ZNF292: variants seen among roughly 807,000 people sequenced by gnomAD.
The protein encoded by ZNF292 is zinc finger protein 292.
A neutral mutation model predicts 217.9 loss-of-function variants in ZNF292; 26 were observed. The ratio of observed to expected loss-of-function variants is 0.12; its 90% CI spans 0.09 to 0.17. The LOEUF is 0.17. Among genes scored for constraint, ZNF292 ranks in the 10% least tolerant of loss-of-function variants. The pLI is 1.00. For synonymous variants in ZNF292, 1,257 were observed against 1,124.1 expected (o/e 1.12, Z -2.37); for missense variants, 2,904 against 3,175.2 (o/e 0.91, Z 2.05).
At chr6:87,226,580 T>C (rs13201289) in intron 4 of ZNF292, among the ~76,000 whole-genome samples, 55,897 of 148,772 alleles carry the variant, frequency 0.38, 10,962 homozygotes, top group Admixed American at 0.52. Flanking sequence ...TTAAACGCAC[T>C]CTTTGGTTTC....
Position 87,215,964 on chromosome 6 carries a change from T to C in ZNF292, c.230T>C (p.Val77Ala). Reference protein sequence around the residue: ...TSEDPLPLLEVYTVAIQSYVK... With the variant: ...TSEDPLPLLEAYTVAIQSYVK... The stretch of plus-strand genomic sequence containing the variant: ...GAAGATCCTTTACCTTTATTGGAGG[T>C]ATACACAGTGGCTATCCAAAGTTAT... The change falls in exon 2 of 8, where the codon GTA (valine) becomes GCA (alanine). Residue 77 changes from valine (V) to alanine (A), a missense_variant. Coordinates refer to ENST00000369577, the MANE Select transcript of ZNF292 (RefSeq NM_015021.3). 6.2e-7 allele frequency: 1 copy of C among 1,600,736 alleles called. No homozygotes were observed. The highest frequency in any genetic ancestry group is 8.5e-7 in the Non-Finnish European group (1 of 1,176,066).
rs774630562 is a variant in ZNF292 at position 87,258,802 on chromosome 6, A to C, written c.5173A>C (p.Asn1725His). The change falls in exon 8 of 8, where the codon AAT (asparagine) becomes CAT (histidine). Residue 1725 changes from asparagine (N) to histidine (H), a missense_variant. Coordinates refer to ENST00000369577, the MANE Select transcript of ZNF292 (RefSeq NM_015021.3). ...AGCCCCTTTAACATTAAAAACTGAA[A>C]ATGGTGATTCCCAAATGATGGCTTT... ...VLAPLTLKTE[N>H]GDSQMMALNS... is the part of the protein sequence containing the mutation. The C allele has an allele frequency of 1.9e-6, 3 of 1,613,152 alleles. No individual in the cohort carries two copies. Among genetic ancestry groups the C allele is most frequent in the Non-Finnish European group, 2.5e-6 (3 of 1,179,604 alleles).
Position 87,215,294 on chromosome 6 carries a change from TA to T in ZNF292, c.169-602del, listed in dbSNP as rs146379041. On this transcript the variant is annotated intron_variant, in intron 1 of 7. Transcript: ENST00000369577. The stretch of plus-strand genomic sequence containing the variant: ...TTGAAAGATGAGAAATATTTTTAAT[TA>T]AAAAAACACTATTACAAAAATTACT... Among the ~76,000 whole-genome samples the T allele has an allele frequency of 3.7e-3, 569 of 152,204 alleles. 4 individuals are homozygous for T. The highest frequency in any genetic ancestry group is 0.013 in the African/African-American group (527 of 41,566).
chr6:87,265,911 A>T lies in ZNF292; in HGVS notation c.*4110A>T, dbSNP rs1775787707. 6.6e-6 allele frequency among the ~76,000 whole-genome samples: 1 copy of T among 152,200 alleles called. No individual in the cohort carries two copies. The highest frequency in any genetic ancestry group is 1.5e-5 in the Non-Finnish European group (1 of 68,034). Reference sequence around the variant, plus strand: ...TTGAATTTCAAGTAATTGTGATTAAACGTTGATTAAAATCCAGTCATACTT... The same window carrying T: ...TTGAATTTCAAGTAATTGTGATTAATCGTTGATTAAAATCCAGTCATACTT... On this transcript the variant is annotated 3_prime_UTR_variant, in exon 8 of 8. Coordinates refer to ENST00000369577, the MANE Select transcript of ZNF292 (RefSeq NM_015021.3).
At chr6:87,207,845 T>C (rs906183680) in intron 1 of ZNF292, among the ~76,000 whole-genome samples, 15 of 152,192 alleles carry the variant, frequency 9.9e-5, no homozygotes, top group African/African-American at 3.1e-4. Flanking sequence ...GCTATAATTA[T>C]TTTCCAGGCC....
chr6:87,156,096 TTCC>T (rs1388663341), intron 1 of ZNF292, among the ~76,000 whole-genome samples: 1 of 152,154 alleles, frequency 6.6e-6, no homozygotes, highest in Admixed American at 6.5e-5. Context: ...CCAGGTTCTC[TTCC>T]TCCTCCTCCT....
At chr6:87,189,291 A>T (rs1190062461) in intron 1 of ZNF292, among the ~76,000 whole-genome samples, 3 of 152,120 alleles carry the variant, frequency 2.0e-5, no homozygotes, top group African/African-American at 7.2e-5. Context: ...TTGTAGAAGC[A>T]TGGGGAAGAT....
chr6:87,203,185 G>T (rs1772143682), intron 1 of ZNF292, among the ~76,000 whole-genome samples: 1 of 148,344 alleles, frequency 6.7e-6, no homozygotes, highest in South Asian at 2.1e-4. Context: ...GTGTTGGCCA[G>T]GCTGGAGTGC....
intron 1 of ZNF292, among the ~76,000 whole-genome samples, chr6:87,206,639 C>A (rs1772262703): frequency 6.6e-6 from 1 of 152,128 alleles, no homozygotes; most frequent in South Asian, 2.1e-4. Context: ...ATTTAAATTT[C>A]TCCATTTGTC....
chr6:87,200,330 T>C (rs2127788698), intron 1 of ZNF292, among the ~76,000 whole-genome samples: 1 of 152,356 alleles, frequency 6.6e-6, no homozygotes, highest in Non-Finnish European at 1.5e-5. Context: ...AGAAATACTG[T>C]GGAGACTAAG....
At chr6:87,222,708 A>G (rs1773146058) in intron 4 of ZNF292, 1 of 420,784 alleles carries the variant, frequency 2.4e-6, no homozygotes, top group Non-Finnish European at 4.8e-6. Flanking sequence ...CTTTGTTATT[A>G]ATTAATCCAT....
intron 1 of ZNF292, among the ~76,000 whole-genome samples, chr6:87,205,401 G>T (rs971645937): frequency 6.6e-6 from 1 of 151,954 alleles, no homozygotes; most frequent in Non-Finnish European, 1.5e-5. Flanking sequence ...TATAAAAATT[G>T]TATGATAATT....
intron 1 of ZNF292, among the ~76,000 whole-genome samples, chr6:87,201,373 C>T (rs1413900861): frequency 1.3e-5 from 2 of 152,076 alleles, no homozygotes; most frequent in African/African-American, 4.8e-5. Flanking sequence ...AAGATGTTCT[C>T]CTATGTTTTC....
chr6:87,258,940 C>T lies in ZNF292; in HGVS notation c.5311C>T (p.Leu1771Phe). 1.2e-6 allele frequency: 2 copies of T among 1,612,106 alleles called. No individual in the cohort carries two copies. The highest frequency in any genetic ancestry group is 1.1e-5 in the South Asian group (1 of 90,844). The change falls in exon 8 of 8, where the codon CTT (leucine) becomes TTT (phenylalanine). Residue 1771 changes from leucine to phenylalanine, a missense_variant. By Grantham distance (22) the Leu-to-Phe change is conservative. Coordinates refer to ENST00000369577, the MANE Select transcript of ZNF292 (RefSeq NM_015021.3). Reference sequence around the variant, plus strand: ...TAAAACTGCTATGAATTCTCAAATACTTGAGGTAAAAAGTGGATCTCAGGG... The same window carrying T: ...TAAAACTGCTATGAATTCTCAAATATTTGAGGTAAAAAGTGGATCTCAGGG... ...IIKTAMNSQI[L>F]EVKSGSQGAG... is the part of the protein sequence containing the mutation.
intron 4 of ZNF292, among the ~76,000 whole-genome samples, chr6:87,219,209 A>G (rs1330783093): frequency 1.3e-5 from 2 of 152,100 alleles, no homozygotes; most frequent in African/African-American, 2.4e-5. Context: ...CTGGTATCCT[A>G]TTGAAAGTAG....
intron 1 of ZNF292, among the ~76,000 whole-genome samples, chr6:87,205,104 C>T (rs1582416818): frequency 6.6e-6 from 1 of 152,090 alleles, no homozygotes; most frequent in Non-Finnish European, 1.5e-5. Flanking sequence ...CATGATATCT[C>T]TCTCTGTCTT....
Position 87,259,283 on chromosome 6 carries a change from C to A in ZNF292, c.5654C>A (p.Pro1885Gln), listed in dbSNP as rs754985203. The stretch of plus-strand genomic sequence containing the variant: ...ACTGCAGATATCACAGTTATTCAGC[C>A]AGTTTCTGAAATGATAAACATTCAA... ...KSTADITVIQ[P>Q]VSEMINIQFN... Residue 1885 changes from proline to glutamine, a missense_variant, in exon 8 of 8, where the codon CCA becomes CAA. Pro to Gln is a moderately conservative substitution (Grantham distance 76). Transcript: ENST00000369577. 4.1e-5 allele frequency: 66 copies of A among 1,613,476 alleles called. No homozygotes were observed. The Admixed American group carries it at 8.2e-4, about 20-fold the overall frequency.
At chr6:87,208,379 T>C (rs1231771189) in intron 1 of ZNF292, among the ~76,000 whole-genome samples, 1 of 152,136 alleles carries the variant, frequency 6.6e-6, no homozygotes, top group Non-Finnish European at 1.5e-5. Flanking sequence ...CTGGAACTCC[T>C]GTTATTTATT....
chr6:87,233,700 T>C, intron 5 of ZNF292, 173 bp downstream of exon 5: 1 of 943,260 alleles, frequency 1.1e-6, no homozygotes, highest in Non-Finnish European at 1.3e-6. Flanking sequence ...TTTAGAATTA[T>C]ATGTAAACTG....
Sources: gnomAD v4.1 joint callset for allele counts (sites outside exome capture counted in the v4.1 genomes callset) on GRCh38, gnomAD v4.1.1 for gene constraint, MANE v1.5 for transcripts, NCBI Gene and HGNC (gene_info 2026-07-23, HGNC 2026-07-21) for gene names.